Variants in ZNF679 observed in about 807,000 individuals in gnomAD.
ZNF679 encodes the protein hypothetical protein MGC42415.
ZNF679 carries 10 observed loss-of-function variants against 13.4 expected under a neutral mutation model. The ratio of observed to expected loss-of-function variants is 0.75; its 90% confidence interval spans 0.46 to 1.27. The LOEUF is 1.27. Among genes scored for constraint, ZNF679 ranks in the 50% most tolerant of loss-of-function variants. The probability of loss-of-function intolerance (pLI) is 0.00; values close to 1 mark genes in which losing one functional copy is unlikely to be tolerated. For synonymous variants in ZNF679, 179 were observed against 162.5 expected (o/e 1.10, Z -0.77); for missense variants, 525 against 477.8 (o/e 1.10, Z -0.92).
intron 4 of ZNF679, among the ~76,000 whole-genome samples, chr7:64,261,718 A>C (rs116279538): frequency 1.4e-3 from 212 of 152,108 alleles, no homozygotes; most frequent in African/African-American, 4.5e-3. Context: ...AATTGATGTA[A>C]AGTAATTTTG....
At chr7:64,230,941 C>T (rs1195144387) in intron 1 of ZNF679, among the ~76,000 whole-genome samples, 2 of 152,194 alleles carry the variant, frequency 1.3e-5, no homozygotes, top group Non-Finnish European at 1.5e-5. Context: ...ATAAGAGTCA[C>T]AGTTCCAACT....
intron 4 of ZNF679, among the ~76,000 whole-genome samples, chr7:64,262,465 A>G (rs746540815): frequency 1.3e-5 from 2 of 152,186 alleles, no homozygotes; most frequent in Non-Finnish European, 2.9e-5. Flanking sequence ...GTTTTTTTCC[A>G]AAGTATTTTG....
intron 1 of ZNF679, among the ~76,000 whole-genome samples, chr7:64,239,683 A>C (rs1168192337): frequency 6.6e-6 from 1 of 152,120 alleles, no homozygotes; most frequent in Admixed American, 6.5e-5. Context: ...CATATCACCA[A>C]GCCTAGCACT....
chr7:64,231,276 A>C (rs769089324), intron 1 of ZNF679, among the ~76,000 whole-genome samples: 3 of 152,224 alleles, frequency 2.0e-5, no homozygotes, highest in Non-Finnish European at 4.4e-5. Context: ...GCTTAAGTGT[A>C]TGTCACAATC....
At chr7:64,259,226 T>G (rs1788044030) in intron 2 of ZNF679, among the ~76,000 whole-genome samples, 1 of 152,194 alleles carries the variant, frequency 6.6e-6, no homozygotes, top group East Asian at 1.9e-4. Flanking sequence ...CATAGCCTTC[T>G]AGATATTTTC....
intron 4 of ZNF679, among the ~76,000 whole-genome samples, chr7:64,263,669 T>C (rs1340849693): frequency 6.6e-6 from 1 of 152,170 alleles, no homozygotes; most frequent in African/African-American, 2.4e-5. Context: ...AACATGGCTA[T>C]TCCACCTCAC....
In ZNF679 at chr7:64,266,081, A is replaced by G. The variant is rs1408381163; in HGVS notation, c.448A>G (p.Thr150Ala). Residue 150 changes from threonine (T) to alanine (A), a missense_variant, in exon 5 of 5, where the codon ACT becomes GCT. Transcript: ENST00000421025. ...TAATGAAGTTAACCAATGTTTGTCA[A>G]CTACCCAAAACAAAATATTTCAGAC... ...GCNEVNQCLSTTQNKIFQTHK... is the reference protein window; with the variant it reads ...GCNEVNQCLSATQNKIFQTHK... 7 of 1,613,044 alleles carry G rather than the reference A, an allele frequency of 4.3e-6. No individual in the cohort carries two copies. The African/African-American group carries it at 8.0e-5, about 18-fold the overall frequency.
In ZNF679 at chr7:64,260,907, T is replaced by C. The variant is rs746912046; in HGVS notation, c.240T>C (p.Asn80=). Reference sequence around the variant, plus strand: ...AAGAGCCTTGGAATATAAAGAGAAATGAGATGGTAACCAAACACCCAGGTA... The same window carrying C: ...AAGAGCCTTGGAATATAAAGAGAAACGAGATGGTAACCAAACACCCAGGTA... The part of the protein sequence containing the change: ...QNKEPWNIKR[N]EMVTKHPVMC... Residue 80 remains asparagine (N), a synonymous_variant, in exon 4 of 5, where the codon AAT becomes AAC. Transcript: ENST00000421025. 18 of 1,611,434 alleles carry C rather than the reference T, an allele frequency of 1.1e-5. No individual in the cohort carries two copies. The highest frequency in any genetic ancestry group is 1.4e-5 in the Non-Finnish European group (16 of 1,179,214).
intron 1 of ZNF679, among the ~76,000 whole-genome samples, chr7:64,241,784 T>A (rs1331321320): frequency 6.6e-6 from 1 of 152,222 alleles, no homozygotes; most frequent in Non-Finnish European, 1.5e-5. Flanking sequence ...TAATTTCTCC[T>A]GAGGACAGGG....
At position 64,253,885 on chromosome 7, in the gene ZNF679, A is replaced by C. The variant is rs548649372; in HGVS notation, c.39+4729A>C. ...TAGCTCAAAGGTCAGAAGCCCTGGG[A>C]AAAAAGAAAAATGTAAGCAAAGTTG... On this transcript the variant is annotated intron_variant, in intron 2 of 4. Transcript: ENST00000421025. 2.0e-4 allele frequency among the ~76,000 whole-genome samples: 30 copies of C among 152,310 alleles called. 2 individuals are homozygous for C. The South Asian group carries it at 6.0e-3, about 31-fold the overall frequency.
intron 1 of ZNF679, 40 bp from the exon 2 acceptor site, chr7:64,248,988 T>A (rs1172913012): frequency 1.5e-6 from 2 of 1,340,894 alleles, no homozygotes; most frequent in Admixed American, 4.1e-5. Context: ...ACAGGATGCC[T>A]CCGTAATTTT....
chr7:64,248,286 A>AT (rs569032288), intron 1 of ZNF679, among the ~76,000 whole-genome samples: 9,558 of 144,564 alleles, frequency 0.066, 628 homozygotes, highest in African/African-American at 0.17. Context: ...GGCAAATACA[A>AT]TTTTTTTTTT....
intron 1 of ZNF679, among the ~76,000 whole-genome samples, chr7:64,235,251 G>A (rs1351274235): frequency 1.3e-5 from 2 of 151,126 alleles, no homozygotes; most frequent in African/African-American, 2.4e-5. Flanking sequence ...CAACCCATGG[G>A]CCAAAGAGAA....
At chr7:64,245,643 T>C (rs544589860) in intron 1 of ZNF679, among the ~76,000 whole-genome samples, 2 of 152,168 alleles carry the variant, frequency 1.3e-5, no homozygotes, top group African/African-American at 4.8e-5. Context: ...AAAGCTCCCC[T>C]TGTTCCATGA....
intron 1 of ZNF679, among the ~76,000 whole-genome samples, chr7:64,245,456 A>T (rs555197905): frequency 6.6e-6 from 1 of 152,136 alleles, no homozygotes; most frequent in African/African-American, 2.4e-5. Flanking sequence ...AGAGAGAGAG[A>T]GAGAGGGAGA....
chr7:64,256,580 G>GC (rs1554372524), intron 2 of ZNF679, among the ~76,000 whole-genome samples: 2 of 151,854 alleles, frequency 1.3e-5, no homozygotes. Flanking sequence ...AGCATCTGTT[G>GC]TTTTGGACTT....
chr7:64,230,260 G>A (rs562161035), intron 1 of ZNF679, among the ~76,000 whole-genome samples: 10 of 152,360 alleles, frequency 6.6e-5, no homozygotes, highest in East Asian at 5.8e-4. Context: ...GAGGCCGGGC[G>A]CGGTGGCTCA....
intron 1 of ZNF679, among the ~76,000 whole-genome samples, chr7:64,236,999 G>C (rs889319224): frequency 1.8e-4 from 8 of 44,578 alleles, no homozygotes; most frequent in Admixed American, 1.2e-3. Flanking sequence ...AAGAAAGAAA[G>C]AAAAAGAAAG....
At chr7:64,234,635 G>A (rs150157686) in intron 1 of ZNF679, among the ~76,000 whole-genome samples, 34 of 152,264 alleles carry the variant, frequency 2.2e-4, no homozygotes, top group African/African-American at 7.7e-4. Flanking sequence ...TGACTTCAGC[G>A]TTGTGAAAAC....
Sources: gnomAD v4.1 joint callset for allele counts (sites outside exome capture counted in the v4.1 genomes callset) on GRCh38, gnomAD v4.1.1 for gene constraint, MANE v1.5 for transcripts, NCBI Gene and HGNC (gene_info 2026-07-23, HGNC 2026-07-21) for gene names.